AKAP13: variants seen among roughly 807,000 people sequenced by gnomAD.
AKAP13 encodes the protein A-kinase anchoring protein 13, also known as A-kinase anchor protein 13.
In AKAP13, 80 loss-of-function variants were observed where a neutral mutation model predicts 264.5. That is an observed-to-expected ratio of 0.30 (90% CI 0.25 to 0.36). The LOEUF is 0.36. Among genes scored for constraint, AKAP13 ranks in the 10% least tolerant of loss-of-function variants. AKAP13 has a pLI of 1.00. For synonymous variants in AKAP13, 1,380 were observed against 1,250.2 expected (o/e 1.10, Z -2.19); for missense variants, 3,712 against 3,435.2 (o/e 1.08, Z -2.01).
intron 8 of AKAP13, among the ~76,000 whole-genome samples, chr15:85,630,858 A>G (rs897571262): frequency 1.3e-5 from 2 of 152,238 alleles, no homozygotes; most frequent in African/African-American, 4.8e-5. Context: ...ACAGTCTGAC[A>G]TCTCCTTAAA....
intron 1 of AKAP13, among the ~76,000 whole-genome samples, chr15:85,466,936 C>G (rs183518795): frequency 6.6e-6 from 1 of 151,866 alleles, no homozygotes; most frequent in Non-Finnish European, 1.5e-5. Context: ...TGTTCCCAAC[C>G]TTTTAAAAAT....
chr15:85,588,490 A>G (rs2079450500), intron 8 of AKAP13, among the ~76,000 whole-genome samples: 1 of 152,186 alleles, frequency 6.6e-6, no homozygotes, highest in Non-Finnish European at 1.5e-5. Flanking sequence ...CTCCATTTTA[A>G]TATTGTAGTG....
chr15:85,433,231 C>T lies in AKAP13; in HGVS notation c.-12+52433C>T, dbSNP rs553044383. ...CTGTTGTTAGACAGCAACGTCCCCC[C>T]TCCAAAACAACTTTTCCTCTCAATT... On this transcript the variant is annotated intron_variant, in intron 1 of 36. Transcript: ENST00000394518. Among the ~76,000 whole-genome samples, 62 of 151,676 alleles carry T rather than the reference C, an allele frequency of 4.1e-4. No individual in the cohort carries two copies. The Middle Eastern group carries it at 0.014, about 34-fold the overall frequency.
intron 1 of AKAP13, among the ~76,000 whole-genome samples, chr15:85,401,331 A>G (rs536974970): frequency 2.0e-4 from 30 of 152,210 alleles, no homozygotes; most frequent in African/African-American, 6.0e-4. Context: ...TGAAGTCTAG[A>G]TGTTACTTGG....
chr15:85,488,016 G>A (rs1024558243), intron 2 of AKAP13, among the ~76,000 whole-genome samples: 7 of 152,214 alleles, frequency 4.6e-5, no homozygotes, highest in Non-Finnish European at 8.8e-5. Context: ...TCCCACCTCA[G>A]CCTCCTGAGT....
chr15:85,607,109 A>C (rs1297613281), intron 8 of AKAP13, among the ~76,000 whole-genome samples: 1 of 136,382 alleles, frequency 7.3e-6, no homozygotes, highest in Non-Finnish European at 1.6e-5. Flanking sequence ...CTGTGTTCCT[A>C]GTTCTATCTT....
intron 2 of AKAP13, among the ~76,000 whole-genome samples, chr15:85,492,709 C>T (rs1167404006): frequency 6.6e-6 from 1 of 152,162 alleles, no homozygotes; most frequent in South Asian, 2.1e-4. Context: ...TCCATTATAG[C>T]ACCCTTTTCC....
intron 8 of AKAP13, among the ~76,000 whole-genome samples, chr15:85,620,776 T>G (rs2081149341): frequency 6.6e-6 from 1 of 152,172 alleles, no homozygotes; most frequent in South Asian, 2.1e-4. Flanking sequence ...GATAGCTGTA[T>G]TTGTTTGTGT....
In AKAP13 at chr15:85,708,775, C is replaced by T. The variant is rs564377886; in HGVS notation, c.5532+689C>T. ...TCAAAGGAGTGCTTTCCAACTTCGT[C>T]GACACAGATGATTAATGAGCTGTGT... On this transcript the variant is annotated intron_variant, in intron 18 of 36. Coordinates refer to ENST00000394518, the MANE Select transcript of AKAP13 (RefSeq NM_007200.5). The surrounding 1 kb of genome is among the most constrained non-coding windows in gnomAD (Gnocchi z 4.3). 7.9e-5 allele frequency among the ~76,000 whole-genome samples: 12 copies of T among 152,176 alleles called. No homozygotes were observed. The highest frequency in any genetic ancestry group is 2.7e-4 in the African/African-American group (11 of 41,508).
rs1596750404 is a variant in AKAP13, at chr15:85,620,261, A to G, written c.4162-19113A>G. The G allele has an allele frequency of 6.2e-6, 8 of 1,280,048 alleles. No individual in the cohort carries two copies. The East Asian group carries it at 1.8e-4, about 28-fold the overall frequency. The allele number at this position is 1,280,048 out of a possible 1,614,324, so 79.3% of individuals were successfully genotyped here. A position where few individuals can be genotyped will look rare whatever the true frequency, so the allele number is the denominator to read the frequency against. On this transcript the variant is annotated intron_variant, in intron 8 of 36. Coordinates refer to ENST00000394518, the MANE Select transcript of AKAP13 (RefSeq NM_007200.5). ...GTAGCCATGTCCCTGGCCCTCCTGTATTGGGAGAAAGGCCGAGAAATCTGT... is the reference window on the plus strand; with the variant it reads ...GTAGCCATGTCCCTGGCCCTCCTGTGTTGGGAGAAAGGCCGAGAAATCTGT...
Position 85,718,782 on chromosome 15 carries a change from C to T in AKAP13, c.6002-294C>T, listed in dbSNP as rs1272315149. 2 of 343,254 alleles carry T rather than the reference C, an allele frequency of 5.8e-6. No homozygotes were observed. Among genetic ancestry groups the T allele is most frequent in the East Asian group, 1.4e-4 (2 of 14,610 alleles). 21.3% of individuals were successfully genotyped at this position (343,254 alleles called of 1,614,324 possible). A position where few individuals can be genotyped will look rare whatever the true frequency, so the allele number is the denominator to read the frequency against. On this transcript the variant is annotated intron_variant, in intron 22 of 36. Transcript: ENST00000394518. The surrounding 1 kb of genome is among the most constrained non-coding windows in gnomAD (Gnocchi z 4.9). The stretch of plus-strand genomic sequence containing the variant: ...AGGCGTGATGGCATGTACCTGCAGC[C>T]CCAGCTGCTCGAGAGGCTAAAGCAG...
At chr15:85,737,674 G>A (rs1211381387) in intron 33 of AKAP13, among the ~76,000 whole-genome samples, 3 of 152,126 alleles carry the variant, frequency 2.0e-5, no homozygotes, top group African/African-American at 7.2e-5. Context: ...GCTTATGGAA[G>A]CTACTTGCTC....
intron 3 of AKAP13, among the ~76,000 whole-genome samples, chr15:85,528,430 G>T (rs375931062): frequency 5.3e-5 from 8 of 152,280 alleles, no homozygotes; most frequent in South Asian, 2.1e-4. Flanking sequence ...TTTTCCTTGA[G>T]TTTCCTAAAC....
chr15:85,700,185 C>T (rs1163769251), intron 17 of AKAP13, among the ~76,000 whole-genome samples: 2 of 152,206 alleles, frequency 1.3e-5, no homozygotes, highest in Non-Finnish European at 2.9e-5. Flanking sequence ...ATTAGACTAT[C>T]ACTCAGAATT....
intron 33 of AKAP13, among the ~76,000 whole-genome samples, chr15:85,739,571 A>G (rs934113182): frequency 6.6e-6 from 1 of 152,024 alleles, no homozygotes; most frequent in Non-Finnish European, 1.5e-5. Context: ...ACATTTTTAC[A>G]TAGAAATTTT....
chr15:85,727,150 A>G lies in AKAP13; in HGVS notation c.6907A>G (p.Met2303Val), dbSNP rs746304950. Residue 2303 changes from methionine to valine, a missense_variant, in exon 28 of 37, where the codon ATG becomes GTG. This residue lies in a region of AKAP13 where 342 missense variants were observed against 484.3 expected (regional missense o/e 0.71). Coordinates refer to ENST00000394518, the MANE Select transcript of AKAP13 (RefSeq NM_007200.5). This position sits in a 1 kb window ranked among gnomAD's most constrained non-coding sequence, Gnocchi z 5.3. ...HEEKGLFLIS[M>V]GMTDPEMVEV... ...GGAGAAAGGTTTATTCCTGATCAGCATGGGGATGACAGATCCAGAGATGGT... is the reference window on the plus strand; with the variant it reads ...GGAGAAAGGTTTATTCCTGATCAGCGTGGGGATGACAGATCCAGAGATGGT... 1 of 1,614,216 alleles carries G rather than the reference A, an allele frequency of 6.2e-7. No individual in the cohort carries two copies. The highest frequency in any genetic ancestry group is 8.5e-7 in the Non-Finnish European group (1 of 1,180,032).
intron 9 of AKAP13, 43 bp from the exon 10 acceptor site, chr15:85,645,775 G>GTTTT (rs71468130): frequency 2.8e-4 from 383 of 1,370,772 alleles, no homozygotes; most frequent in South Asian, 7.3e-4. Context: ...TGGTTTTTTT[G>GTTTT]TTTTTTTTTT....
intron 1 of AKAP13, among the ~76,000 whole-genome samples, chr15:85,392,080 G>T (rs2070887256): frequency 6.6e-6 from 1 of 151,912 alleles, no homozygotes; most frequent in Admixed American, 6.6e-5. Context: ...ACCATGCCCG[G>T]CTCTATTCTT....
Position 85,693,421 on chromosome 15 carries a change from T to C in AKAP13, c.5434T>C (p.Phe1812Leu). 6.2e-7 allele frequency: 1 copy of C among 1,613,212 alleles called. No individual in the cohort carries two copies. Among genetic ancestry groups the C allele is most frequent in the East Asian group, 2.2e-5 (1 of 44,878 alleles). ...PISCSQCMKP[F>L]TNKDAYTCAN... ...CAGCTGTAGCCAGTGTATGAAGCCCTTCACCAACAAAGATGCCTATACTTG... is the reference window on the plus strand; with the variant it reads ...CAGCTGTAGCCAGTGTATGAAGCCCCTCACCAACAAAGATGCCTATACTTG... The change falls in exon 17 of 37, where the codon TTC becomes CTC. Residue 1812 changes from phenylalanine to leucine, a missense_variant. By Grantham distance (22) the Phe-to-Leu change is conservative (BLOSUM62 0). This residue lies in a region of AKAP13 where 2,759 missense variants were observed against 2,411.7 expected (regional missense o/e 1.14). Coordinates refer to ENST00000394518, the MANE Select transcript of AKAP13 (RefSeq NM_007200.5).
Sources: allele counts gnomAD v4.1 joint callset (sites outside exome capture counted in the v4.1 genomes callset), GRCh38; gene constraint gnomAD v4.1.1; regional missense constraint gnomAD v4.1.1; non-coding constraint Gnocchi (gnomAD v3.1); transcripts MANE v1.5; gene names NCBI Gene and HGNC (gene_info 2026-07-23, HGNC 2026-07-21).